TENM3: variants seen among roughly 807,000 people sequenced by gnomAD.
The protein encoded by TENM3 is teneurin transmembrane protein 3.
A neutral mutation model predicts 255.1 loss-of-function variants in TENM3; 63 were observed. The observed-to-expected ratio is 0.25, with a 90% CI of 0.20 to 0.30. The LOEUF is 0.30. TENM3 is among the 10% of genes least tolerant of loss of function. The probability of loss-of-function intolerance (pLI) is 1.00; values close to 1 mark genes in which losing one functional copy is unlikely to be tolerated. For synonymous variants in TENM3, 1,306 were observed against 1,322.3 expected, an observed-to-expected ratio of 0.99 and a Z score of 0.27; for missense variants, 2,929 against 3,461.1, an observed-to-expected ratio of 0.85 and a Z score of 3.86.
At chr4:182,053,998 T>C in the TENM3 span, among the ~76,000 whole-genome samples, 1 of 152,144 alleles carries the variant, frequency 6.6e-6, no homozygotes, top group South Asian at 2.1e-4. Flanking sequence ...CATAAGATGA[T>C]CAAAGGGAAT....
At chr4:182,606,064 T>G (rs1748389181) in intron 4 of TENM3, among the ~76,000 whole-genome samples, 2 of 152,218 alleles carry the variant, frequency 1.3e-5, no homozygotes, top group African/African-American at 4.8e-5. Flanking sequence ...TTCTAATAGT[T>G]TCTATTGCTA....
chr4:181,782,897 G>A, the TENM3 span, among the ~76,000 whole-genome samples: 2,997 of 152,240 alleles, frequency 0.02, 31 homozygotes, highest in Middle Eastern at 0.061. Flanking sequence ...TCATTCAGGA[G>A]CAGGTTGTTC....
chr4:181,612,618 A>C, the TENM3 span, among the ~76,000 whole-genome samples: 1,453 of 152,206 alleles, frequency 9.5e-3, 27 homozygotes, highest in African/African-American at 0.033. Flanking sequence ...TGTTTTATCA[A>C]ACCTTAAGTA....
chr4:182,121,210 C>T, the TENM3 span, among the ~76,000 whole-genome samples: 3 of 151,988 alleles, frequency 2.0e-5, no homozygotes, highest in Non-Finnish European at 4.4e-5. Flanking sequence ...GTTGGCCAGG[C>T]TGGTCTCGAA....
intron 3 of TENM3, among the ~76,000 whole-genome samples, chr4:182,529,469 C>T (rs559157970): frequency 3.9e-5 from 6 of 152,220 alleles, no homozygotes; most frequent in African/African-American, 1.4e-4. Context: ...TGCTTTGCCC[C>T]CACTAACTTT....
Position 182,595,820 on chromosome 4 carries a change from A to G in TENM3, c.512-5104A>G, listed in dbSNP as rs117173151. On this transcript the variant is annotated intron_variant, in intron 3 of 27. Transcript: ENST00000511685. ...GCTAATCATAAGCTTTAAAATATTA[A>G]TAAAAGGAAAACATACTGTGTTTGG... Among the ~76,000 whole-genome samples, 1,155 of 151,794 alleles carry G rather than the reference A, an allele frequency of 7.6e-3. 44 individuals carry two copies. In the East Asian group the frequency reaches 0.095, roughly 12 times the overall value.
the TENM3 span, among the ~76,000 whole-genome samples, chr4:181,767,169 G>T: frequency 1.4e-5 from 2 of 147,444 alleles, no homozygotes; most frequent in East Asian, 2.0e-4. Flanking sequence ...GGAGAATGGC[G>T]TGAACCCGGG....
intron 24 of TENM3, among the ~76,000 whole-genome samples, chr4:182,777,523 G>GTGTGTGTGTA: frequency 7.2e-6 from 1 of 139,210 alleles, no homozygotes; most frequent in Non-Finnish European, 1.5e-5. Flanking sequence ...GTGTGTGTGT[G>GTGTGTGTGTA]TGTGTGTGTG....
chr4:182,051,023 GT>G, the TENM3 span, among the ~76,000 whole-genome samples: 1 of 151,954 alleles, frequency 6.6e-6, no homozygotes, highest in Non-Finnish European at 1.5e-5. Flanking sequence ...AGAAAAATAT[GT>G]TTCAAGACTC....
chr4:181,814,353 C>G, the TENM3 span, among the ~76,000 whole-genome samples: 1 of 151,908 alleles, frequency 6.6e-6, no homozygotes, highest in Non-Finnish European at 1.5e-5. Context: ...CAGTATGGAC[C>G]AAAATCCTTA....
At chr4:182,336,241 T>C in intron 2 of TENM3, among the ~76,000 whole-genome samples, 1 of 152,158 alleles carries the variant, frequency 6.6e-6, no homozygotes, top group East Asian at 1.9e-4. Context: ...TCCTCCATGT[T>C]GTTTTCATGG....
chr4:181,624,398 G>A, the TENM3 span, among the ~76,000 whole-genome samples: 1 of 152,170 alleles, frequency 6.6e-6, no homozygotes, highest in Admixed American at 6.5e-5. Context: ...CCTTAAAGAA[G>A]CAAGGAAGAG....
At chr4:181,716,715 C>A in the TENM3 span, among the ~76,000 whole-genome samples, 1 of 152,136 alleles carries the variant, frequency 6.6e-6, no homozygotes, top group African/African-American at 2.4e-5. Context: ...AGAACTGACA[C>A]AAAGTAAGTC....
chr4:182,640,542 A>G (rs1650297298), intron 5 of TENM3, among the ~76,000 whole-genome samples: 1 of 152,202 alleles, frequency 6.6e-6, no homozygotes, highest in African/African-American at 2.4e-5. Context: ...TTTTAGAGTA[A>G]TGATATTTTT....
At chr4:182,721,787 A>G (rs1297067928) in intron 13 of TENM3, among the ~76,000 whole-genome samples, 1 of 152,094 alleles carries the variant, frequency 6.6e-6, no homozygotes, top group Admixed American at 6.5e-5. Context: ...GATGAAAATG[A>G]CCCCATTTTT....
At chr4:181,910,537 CA>C in the TENM3 span, among the ~76,000 whole-genome samples, 15,420 of 107,542 alleles carry the variant, frequency 0.14, 933 homozygotes, top group East Asian at 0.24. Context: ...GACTCCATCT[CA>C]AAAAAAAAAA....
chr4:182,762,659 A>G (rs572941027), intron 22 of TENM3, among the ~76,000 whole-genome samples: 1 of 152,198 alleles, frequency 6.6e-6, no homozygotes, highest in Non-Finnish European at 1.5e-5. Context: ...TTCAGCACAG[A>G]GAAAGTCCCT....
chr4:181,668,853 C>T, the TENM3 span, among the ~76,000 whole-genome samples: 8 of 152,268 alleles, frequency 5.3e-5, no homozygotes, highest in East Asian at 3.9e-4. Context: ...ATCTCTTATT[C>T]GAAAACGTCA....
chr4:182,058,576 C>CTT, the TENM3 span, among the ~76,000 whole-genome samples: 1 of 152,132 alleles, frequency 6.6e-6, no homozygotes, highest in African/African-American at 2.4e-5. Context: ...GCTTTTGCAA[C>CTT]TTTTTTCTTT....
Sources: allele counts gnomAD v4.1 joint callset (sites outside exome capture counted in the v4.1 genomes callset), GRCh38; gene constraint gnomAD v4.1.1; transcripts MANE v1.5; gene names NCBI Gene and HGNC (gene_info 2026-07-23, HGNC 2026-07-21).